The following MTMR10 variants were observed in gnomAD, a reference collection of about 807,000 sequenced individuals.
MTMR10 encodes the protein myotubularin-related protein 10.
A neutral mutation model predicts 88.1 loss-of-function variants in MTMR10; 56 were observed. The ratio of observed to expected loss-of-function variants is 0.64; its 90% CI spans 0.51 to 0.79. The LOEUF (loss-of-function observed/expected upper bound fraction) is 0.79, where lower values mean the gene tolerates loss of function less well. Among genes scored for constraint, MTMR10 ranks in the 30% least tolerant of loss-of-function variants. MTMR10 has a pLI of 0.00. For synonymous variants in MTMR10, 380 were observed against 340.9 expected (o/e 1.11, Z -1.26); for missense variants, 883 against 924.7 (o/e 0.95, Z 0.58).
intron 12 of MTMR10, 129 bp downstream of exon 12, chr15:30,951,837 AAT>A (rs1391046033): frequency 1.3e-6 from 1 of 748,518 alleles, no homozygotes; most frequent in African/African-American, 1.8e-5. Context: ...CAAAATCTGT[AAT>A]GTATTTGATG....
Position 30,939,502 on chromosome 15 carries a change from CAAT to C in MTMR10, c.*1965_*1967del. 1.0e-6 allele frequency: 1 copy of C among 983,412 alleles called. No homozygotes were observed. The highest frequency in any genetic ancestry group is 1.2e-6 in the Non-Finnish European group (1 of 828,182). The allele number at this position is 983,412 out of a possible 1,614,324, so 60.9% of individuals were successfully genotyped here. Reference sequence around the variant, plus strand: ...ATATTATGCACAATAAACTGTAGCACAATAATCATGATATAACAACTGTCCAGC... The same window carrying C: ...ATATTATGCACAATAAACTGTAGCACAATCATGATATAACAACTGTCCAGC... On this transcript the variant is annotated 3_prime_UTR_variant, in exon 16 of 16. Transcript: ENST00000435680.
the MTMR10 span, among the ~76,000 whole-genome samples, chr15:30,919,108 C>T: frequency 1.4e-4 from 22 of 152,174 alleles, no homozygotes; most frequent in South Asian, 2.9e-3. Flanking sequence ...GGGGCTGGTA[C>T]GGTGGCTCAC....
chr15:30,984,340 T>C (rs1344471312), intron 2 of MTMR10, among the ~76,000 whole-genome samples: 4 of 152,180 alleles, frequency 2.6e-5, no homozygotes, highest in African/African-American at 7.2e-5. Flanking sequence ...GGGTAAGGTA[T>C]AAAGCTAATG....
intron 2 of MTMR10, among the ~76,000 whole-genome samples, chr15:30,989,923 T>C (rs1269730544): frequency 2.6e-5 from 4 of 152,194 alleles, no homozygotes; most frequent in Non-Finnish European, 5.9e-5. Context: ...AGTATCTGGC[T>C]ACTTCCCCTA....
chr15:30,929,676 A>G, the MTMR10 span, among the ~76,000 whole-genome samples: 2 of 118,718 alleles, frequency 1.7e-5, no homozygotes, highest in Middle Eastern at 6.9e-3. Context: ...TATATAATAT[A>G]TCATATAATA....
chr15:30,929,081 T>C, the MTMR10 span: 3 of 866,052 alleles, frequency 3.5e-6, no homozygotes, highest in Non-Finnish European at 5.3e-6. Flanking sequence ...CTTTTACTTA[T>C]CTTTTGAGAG....
In MTMR10 at chr15:30,953,638, T is replaced by A; in HGVS notation, c.1067-7A>T. The A allele has an allele frequency of 1.3e-6, 2 of 1,503,404 alleles. No individual in the cohort carries two copies. The highest frequency in any genetic ancestry group is 1.8e-6 in the Non-Finnish European group (2 of 1,104,266). 93.1% of individuals were successfully genotyped at this position (1,503,404 alleles called of 1,614,324 possible). A position where few individuals can be genotyped will look rare whatever the true frequency, so the allele number is the denominator to read the frequency against. On this transcript the variant is annotated splice_polypyrimidine_tract_variant and splice_region_variant and intron_variant, in intron 10 of 15. Coordinates refer to ENST00000435680, the MANE Select transcript of MTMR10 (RefSeq NM_017762.3). ...TCAGTTTCTTCAAAAGGCTCTGTAA[T>A]AAATTATATACATACACATTTTTAC... is the stretch of plus-strand genomic sequence containing the variant.
At chr15:30,950,390 C>G (rs2063227623) in intron 12 of MTMR10, 1 of 152,090 alleles carries the variant, frequency 6.6e-6, no homozygotes, top group African/African-American at 2.4e-5. Context: ...GCAAGCCTGG[C>G]CAGGCACGGT....
Position 30,948,621 on chromosome 15 carries a change from C to CT in MTMR10, c.1208-151dup, listed in dbSNP as rs1224332249. 3 of 709,176 alleles carry CT rather than the reference C, an allele frequency of 4.2e-6. No homozygotes were observed. In the East Asian group the frequency reaches 8.2e-5, roughly 19 times the overall value. The allele number at this position is 709,176 out of a possible 1,614,324, so 43.9% of individuals were successfully genotyped here. A position where few individuals can be genotyped will look rare whatever the true frequency, so the allele number is the denominator to read the frequency against. ...GAAATTTTACTGGATTCCAGCAACT[C>CT]TAAAATATTACAGACTTGTAGATAA... On this transcript the variant is annotated intron_variant, in intron 12 of 15. Transcript: ENST00000435680.
chr15:30,930,673 T>G, the MTMR10 span: 2 of 1,612,646 alleles, frequency 1.2e-6, no homozygotes, highest in Admixed American at 3.4e-5. Context: ...CACTTTAAGG[T>G]CAGTTGAGGC....
the MTMR10 span, chr15:30,927,976 C>T: frequency 1.0e-6 from 1 of 985,772 alleles, no homozygotes; most frequent in Non-Finnish European, 1.2e-6. Context: ...TCTTTAAGGC[C>T]AGATGTCTCT....
chr15:30,939,864 C>G lies in MTMR10; in HGVS notation c.*1606G>C, dbSNP rs2062979838. The G allele has an allele frequency of 2.0e-6, 2 of 985,300 alleles. No individual in the cohort carries two copies. Among genetic ancestry groups the G allele is most frequent in the Non-Finnish European group, 1.2e-6 (1 of 829,788 alleles). The allele number at this position is 985,300 out of a possible 1,614,324, so 61.0% of individuals were successfully genotyped here. A position where few individuals can be genotyped will look rare whatever the true frequency, so the allele number is the denominator to read the frequency against. ...ATAATTCTATTTGTATAAACTGAAA[C>G]TAGCCCTTATTTTCTAGGCAACAAG... On this transcript the variant is annotated 3_prime_UTR_variant, in exon 16 of 16. Transcript: ENST00000435680.
chr15:30,937,056 T>TA, downstream of MTMR10: 1 of 1,417,008 alleles, frequency 7.1e-7, no homozygotes, highest in Non-Finnish European at 9.8e-7. Context: ...CAACTACAAC[T>TA]TACTTGAATG....
intron 3 of MTMR10, among the ~76,000 whole-genome samples, chr15:30,976,106 T>TAA (rs34173071): frequency 4.9e-5 from 7 of 142,640 alleles, no homozygotes; most frequent in East Asian, 4.1e-4. Flanking sequence ...CTAATTAGTT[T>TAA]AAAAAAAAAA....
intron 9 of MTMR10, among the ~76,000 whole-genome samples, chr15:30,955,560 G>A (rs6493360): frequency 0.18 from 28,001 of 152,070 alleles, 4,930 homozygotes; most frequent in African/African-American, 0.46. Flanking sequence ...GTGAGCCACC[G>A]CGCCCGGGCT....
At chr15:30,937,213 G>C, downstream of MTMR10, 1 of 1,614,138 alleles carries the variant, frequency 6.2e-7, no homozygotes, top group Non-Finnish European at 8.5e-7. Flanking sequence ...GTAGAAGTCT[G>C]CCATGTGGTT....
chr15:30,925,976 C>A, the MTMR10 span: 11 of 1,608,594 alleles, frequency 6.8e-6, no homozygotes, highest in Non-Finnish European at 9.4e-6. Flanking sequence ...CACCCAGCCC[C>A]GGGTGGACGA....
chr15:30,937,669 T>G, downstream of MTMR10, among the ~76,000 whole-genome samples: 1 of 151,704 alleles, frequency 6.6e-6, no homozygotes, highest in African/African-American at 2.4e-5. Context: ...TTGGCCAGGT[T>G]GGTCTGGAAC....
chr15:30,987,970 G>A (rs2031061569), intron 2 of MTMR10, among the ~76,000 whole-genome samples: 2 of 151,062 alleles, frequency 1.3e-5, no homozygotes, highest in Admixed American at 1.3e-4. Flanking sequence ...CACAGGTGAT[G>A]TGGCCAGGTT....
Sources: allele counts gnomAD v4.1 joint callset (sites outside exome capture counted in the v4.1 genomes callset), GRCh38; gene constraint gnomAD v4.1.1; transcripts MANE v1.5; gene names NCBI Gene and HGNC (gene_info 2026-07-23, HGNC 2026-07-21).